CNTNAP2: variants seen among roughly 807,000 people sequenced by gnomAD.
CNTNAP2 encodes contactin-associated protein-like 2.
CNTNAP2 carries 98 observed loss-of-function variants against 155.2 expected under a neutral mutation model. That is an observed-to-expected ratio of 0.63 (90% CI 0.54 to 0.75). The LOEUF (loss-of-function observed/expected upper bound fraction) is 0.75. CNTNAP2 is among the 30% of genes least tolerant of loss of function. The probability of loss-of-function intolerance (pLI) is 0.00; values close to 1 mark genes in which losing one functional copy is unlikely to be tolerated. For synonymous variants in CNTNAP2, 651 were observed against 631.2 expected, an observed-to-expected ratio of 1.03 and a Z score of -0.47; for missense variants, 1,727 against 1,688.1, an observed-to-expected ratio of 1.02 and a Z score of -0.40.
chr7:147,446,136 T>C (rs979186396), intron 10 of CNTNAP2, among the ~76,000 whole-genome samples: 10 of 151,412 alleles, frequency 6.6e-5, no homozygotes, highest in Admixed American at 5.9e-4. Flanking sequence ...TTTTTTTTTT[T>C]TTTTTAACCT....
At chr7:147,876,862 G>C (rs542930298) in intron 13 of CNTNAP2, among the ~76,000 whole-genome samples, 1 of 152,138 alleles carries the variant, frequency 6.6e-6, no homozygotes, top group South Asian at 2.1e-4. Flanking sequence ...TTAGAGGGGG[G>C]TGTGCACTGT....
chr7:147,339,084 T>C (rs528951870), intron 9 of CNTNAP2, among the ~76,000 whole-genome samples: 1 of 152,314 alleles, frequency 6.6e-6, no homozygotes, highest in East Asian at 1.9e-4. Context: ...CATTGAAATG[T>C]CTACTTTGAC....
chr7:148,207,998 A>C (rs891043251), intron 18 of CNTNAP2, among the ~76,000 whole-genome samples: 2 of 151,980 alleles, frequency 1.3e-5, no homozygotes, highest in Non-Finnish European at 2.9e-5. Flanking sequence ...CTGAGGCAGG[A>C]GAATGGCGTG....
intron 13 of CNTNAP2, among the ~76,000 whole-genome samples, chr7:147,670,519 A>T (rs1329344881): frequency 6.6e-6 from 1 of 152,168 alleles, no homozygotes; most frequent in African/African-American, 2.4e-5. Context: ...CCTCATACTC[A>T]ACCAGCAGAG....
chr7:146,303,671 G>A (rs1800655049), intron 1 of CNTNAP2, among the ~76,000 whole-genome samples: 1 of 152,120 alleles, frequency 6.6e-6, no homozygotes, highest in Non-Finnish European at 1.5e-5. Context: ...CATTTGCTTA[G>A]GAGTGCTTTA....
chr7:147,122,505 G>A (rs1369899928), intron 6 of CNTNAP2: 3 of 152,170 alleles, frequency 2.0e-5, no homozygotes, highest in African/African-American at 7.2e-5. Flanking sequence ...AATGGGATGA[G>A]TGCTATTGCA....
chr7:147,068,035 G>C (rs2129264560), intron 4 of CNTNAP2, among the ~76,000 whole-genome samples: 1 of 152,306 alleles, frequency 6.6e-6, no homozygotes, highest in African/African-American at 2.4e-5. Context: ...AATACTGTTG[G>C]CAGAAGTCTT....
chr7:148,129,544 G>A (rs181276275), intron 16 of CNTNAP2, among the ~76,000 whole-genome samples: 3 of 152,258 alleles, frequency 2.0e-5, no homozygotes, highest in East Asian at 1.9e-4. Flanking sequence ...ACATTTTACC[G>A]TGTATAAATT....
chr7:147,910,688 G>C (rs773018454), intron 14 of CNTNAP2, among the ~76,000 whole-genome samples: 1 of 152,160 alleles, frequency 6.6e-6, no homozygotes, highest in Non-Finnish European at 1.5e-5. Context: ...GCAGGCAAGA[G>C]AACTTGTGCA....
At chr7:146,817,137 C>G (rs1383788374) in intron 2 of CNTNAP2, among the ~76,000 whole-genome samples, 1 of 152,078 alleles carries the variant, frequency 6.6e-6, no homozygotes, top group African/African-American at 2.4e-5. Flanking sequence ...GTTACATAAA[C>G]AGTGTCAAAT....
At chr7:146,673,449 G>C (rs954889136) in intron 1 of CNTNAP2, among the ~76,000 whole-genome samples, 3 of 152,184 alleles carry the variant, frequency 2.0e-5, no homozygotes, top group African/African-American at 7.2e-5. Flanking sequence ...TAAAGATGCT[G>C]TCTTATGTGT....
At chr7:146,460,304 G>A (rs184455938) in intron 1 of CNTNAP2, among the ~76,000 whole-genome samples, 1 of 152,108 alleles carries the variant, frequency 6.6e-6, no homozygotes, top group Non-Finnish European at 1.5e-5. Flanking sequence ...GGAGAAAAGG[G>A]AATTCTTGTA....
At chr7:147,323,552 T>C (rs999759295) in intron 9 of CNTNAP2, among the ~76,000 whole-genome samples, 1 of 151,592 alleles carries the variant, frequency 6.6e-6, no homozygotes, top group African/African-American at 2.4e-5. Context: ...ATGTATATTC[T>C]GTTGATTTGG....
chr7:148,270,002 T>G (rs934004600), intron 21 of CNTNAP2, among the ~76,000 whole-genome samples: 1 of 152,216 alleles, frequency 6.6e-6, no homozygotes, highest in African/African-American at 2.4e-5. Flanking sequence ...AGACTTTTTA[T>G]TACTTTGTGG....
chr7:147,282,295 C>G (rs1805057112), intron 8 of CNTNAP2, among the ~76,000 whole-genome samples: 1 of 151,872 alleles, frequency 6.6e-6, no homozygotes, highest in South Asian at 2.1e-4. Flanking sequence ...ACTCCTTTCT[C>G]AAATAATGTA....
At chr7:147,565,958 G>A (rs1800161240) in intron 12 of CNTNAP2, among the ~76,000 whole-genome samples, 2 of 151,746 alleles carry the variant, frequency 1.3e-5, no homozygotes, top group African/African-American at 2.4e-5. Flanking sequence ...TGATGTAACA[G>A]AGAAACAGCA....
chr7:146,999,313 T>G (rs1798378476), intron 3 of CNTNAP2, among the ~76,000 whole-genome samples: 1 of 151,548 alleles, frequency 6.6e-6, no homozygotes, highest in Non-Finnish European at 1.5e-5. Flanking sequence ...CCTAACAGTT[T>G]GAATTTTTGA....
chr7:147,179,040 G>A (rs907010841), intron 8 of CNTNAP2, among the ~76,000 whole-genome samples: 3 of 152,020 alleles, frequency 2.0e-5, no homozygotes, highest in Non-Finnish European at 4.4e-5. Context: ...GCAGTGCTGT[G>A]GCCTTGTGAT....
rs149704100 is a variant in CNTNAP2 at position 147,353,634 on chromosome 7, C to T, written c.1499-41975C>T. ...GTGTGTATGCGTCTTTAGAGTAGAA[C>T]GATTTATAATCCTTTGGGTATATAC... is the stretch of plus-strand genomic sequence containing the variant. On this transcript the variant is annotated intron_variant, in intron 9 of 23. Transcript: ENST00000361727. Among the ~76,000 whole-genome samples the T allele has an allele frequency of 2.9e-3, 442 of 152,068 alleles. 2 individuals are homozygous for T. Among genetic ancestry groups the T allele is most frequent in the African/African-American group, 9.9e-3 (413 of 41,510 alleles).
Sources: gnomAD v4.1 joint callset for allele counts (sites outside exome capture counted in the v4.1 genomes callset) on GRCh38, gnomAD v4.1.1 for gene constraint, MANE v1.5 for transcripts, NCBI Gene and HGNC (gene_info 2026-07-23, HGNC 2026-07-21) for gene names.